RAB11FIP4: variants seen among roughly 807,000 people sequenced by gnomAD.
RAB11FIP4 encodes the protein rab11 family-interacting protein 4.
Under a neutral mutation model 74.3 loss-of-function variants are expected in RAB11FIP4, and 23 were observed. The ratio of observed to expected loss-of-function variants is 0.31; its 90% CI spans 0.22 to 0.44. The LOEUF is 0.44. RAB11FIP4 is among the 20% of genes least tolerant of loss of function. The probability of loss-of-function intolerance (pLI) is 1.00; values close to 1 mark genes in which losing one functional copy is unlikely to be tolerated. For synonymous variants in RAB11FIP4, 360 were observed against 359.9 expected (o/e 1.00, Z 0.00); for missense variants, 630 against 863.9 (o/e 0.73, Z 3.39).
In RAB11FIP4 at chr17:31,512,340, G is replaced by GGT. The variant is rs886275471; in HGVS notation, c.337-5309_337-5308dup. ...AGGTGAGGAGCCAGGTGCTCACAAAGGTGGTCACTTGTCCAAGGTCACATG... is the reference window on the plus strand; with the variant it reads ...AGGTGAGGAGCCAGGTGCTCACAAAGGTGTGGTCACTTGTCCAAGGTCACATG... On this transcript the variant is annotated intron_variant, in intron 3 of 14. Transcript: ENST00000621161. This position sits in a 1 kb window ranked among gnomAD's most constrained non-coding sequence, Gnocchi z 4.1. Among the ~76,000 whole-genome samples, 6 of 152,174 alleles carry GGT rather than the reference G, an allele frequency of 3.9e-5. No homozygotes were observed. The highest frequency in any genetic ancestry group is 1.4e-4 in the African/African-American group (6 of 41,440).
chr17:31,459,600 G>A (rs183095084), intron 3 of RAB11FIP4, among the ~76,000 whole-genome samples: 123 of 152,212 alleles, frequency 8.1e-4, no homozygotes, highest in Non-Finnish European at 1.1e-3. Flanking sequence ...ACGCCTGATG[G>A]GTTAACTCAG....
intron 1 of RAB11FIP4, among the ~76,000 whole-genome samples, chr17:31,405,029 G>T (rs1353111704): frequency 6.6e-6 from 1 of 152,074 alleles, no homozygotes; most frequent in African/African-American, 2.4e-5. Context: ...CAAAGGTTTC[G>T]GGATAAAATG....
intron 1 of RAB11FIP4, among the ~76,000 whole-genome samples, chr17:31,424,627 G>A (rs1381435307): frequency 6.8e-6 from 1 of 147,984 alleles, no homozygotes; most frequent in Admixed American, 6.8e-5. Context: ...CCAGCCTGGA[G>A]TAGAGTGGCA....
intron 3 of RAB11FIP4, among the ~76,000 whole-genome samples, chr17:31,478,828 G>C (rs1022987044): frequency 1.3e-5 from 2 of 152,184 alleles, no homozygotes; most frequent in African/African-American, 4.8e-5. Flanking sequence ...ACCTGATGTG[G>C]GCTGCCACTG....
intron 9 of RAB11FIP4, chr17:31,524,818 G>A: frequency 1.9e-6 from 1 of 538,382 alleles, no homozygotes; most frequent in Non-Finnish European, 3.3e-6. Flanking sequence ...GCCAGGTGTG[G>A]CTGCAGGGAC....
intron 3 of RAB11FIP4, among the ~76,000 whole-genome samples, chr17:31,460,485 T>C (rs1004667013): frequency 7.2e-5 from 11 of 152,178 alleles, no homozygotes; most frequent in Non-Finnish European, 1.0e-4. Context: ...GTTGAGAGGA[T>C]ACAGGAGATA....
chr17:31,469,295 A>G (rs578151474), intron 3 of RAB11FIP4, among the ~76,000 whole-genome samples: 2 of 152,226 alleles, frequency 1.3e-5, no homozygotes, highest in East Asian at 3.9e-4. Context: ...TTACTCACAC[A>G]CATAGGCAGG....
chr17:31,476,172 CTTTTTTTTTTTTTTTT>C (rs71369069), intron 3 of RAB11FIP4, among the ~76,000 whole-genome samples: 7 of 63,532 alleles, frequency 1.1e-4, no homozygotes, highest in East Asian at 1.2e-3. Context: ...ATCGACTGAA[CTTTTTTTTTTTTTTTT>C]TTTTTTTTTT....
chr17:31,450,329 T>TATTATTATTATTA (rs2071513339), intron 3 of RAB11FIP4, among the ~76,000 whole-genome samples: 2 of 90,852 alleles, frequency 2.2e-5, no homozygotes, highest in South Asian at 6.5e-4. Context: ...GCTTTATTAT[T>TATTATTATTATTA]ATTATTATTA....
rs2072465566 is a variant in RAB11FIP4 at position 31,512,251 on chromosome 17, G to A, written c.337-5400G>A. On this transcript the variant is annotated intron_variant, in intron 3 of 14. Coordinates refer to ENST00000621161, the MANE Select transcript of RAB11FIP4 (RefSeq NM_032932.6). The surrounding 1 kb of genome is among the most constrained non-coding windows in gnomAD (Gnocchi z 4.1). ...CTCCTACCGTGACCGACTCTCCGGTGTAAATTGTCACGTGTGGCCCCCTAG... is the reference window on the plus strand; with the variant it reads ...CTCCTACCGTGACCGACTCTCCGGTATAAATTGTCACGTGTGGCCCCCTAG... Among the ~76,000 whole-genome samples the A allele has an allele frequency of 6.6e-6, 1 of 152,200 alleles. No individual in the cohort carries two copies. The highest frequency in any genetic ancestry group is 1.5e-5 in the Non-Finnish European group (1 of 68,028).
At chr17:31,489,998 G>A (rs1189524235) in intron 3 of RAB11FIP4, among the ~76,000 whole-genome samples, 2 of 152,182 alleles carry the variant, frequency 1.3e-5, no homozygotes, top group African/African-American at 4.8e-5. Context: ...ACTGCCTGGA[G>A]CCTGCCCTCG....
In RAB11FIP4 at chr17:31,535,939, AG is replaced by A. The variant is rs1324340804; in HGVS notation, c.*4210del. 2.0e-5 allele frequency: 3 copies of A among 150,560 alleles called. No homozygotes were observed. Among genetic ancestry groups the A allele is most frequent in the Non-Finnish European group, 4.4e-5 (3 of 67,874 alleles). 9.3% of individuals were successfully genotyped at this position (150,560 alleles called of 1,614,324 possible). A position where few individuals can be genotyped will look rare whatever the true frequency, so the allele number is the denominator to read the frequency against. On this transcript the variant is annotated 3_prime_UTR_variant, in exon 15 of 15. Coordinates refer to ENST00000621161, the MANE Select transcript of RAB11FIP4 (RefSeq NM_032932.6). ...GTCTGTTTCCTGACTGGGTTGATAAAGGGAGTCCCAGCTCGTTCCCTGTTAG... is the reference window on the plus strand; with the variant it reads ...GTCTGTTTCCTGACTGGGTTGATAAAGGAGTCCCAGCTCGTTCCCTGTTAG...
intron 3 of RAB11FIP4, among the ~76,000 whole-genome samples, chr17:31,516,752 C>T (rs1474132396): frequency 6.6e-6 from 1 of 152,214 alleles, no homozygotes; most frequent in Non-Finnish European, 1.5e-5. Flanking sequence ...CAGGCGTGAG[C>T]CACCGTGCCT....
In RAB11FIP4 at chr17:31,508,236, C is replaced by T. The variant is rs1361388022; in HGVS notation, c.337-9415C>T. Among the ~76,000 whole-genome samples, 10 of 152,290 alleles carry T rather than the reference C, an allele frequency of 6.6e-5. No individual in the cohort carries two copies. In the South Asian group the frequency reaches 1.0e-3, roughly 16 times the overall value. ...CCCCACAGTGGATGGCTCAGCTGTT[C>T]GGGATGTTTCCAGTGGGATCACACC... On this transcript the variant is annotated intron_variant, in intron 3 of 14. Coordinates refer to ENST00000621161, the MANE Select transcript of RAB11FIP4 (RefSeq NM_032932.6).
intron 3 of RAB11FIP4, among the ~76,000 whole-genome samples, chr17:31,516,972 A>T (rs1049255294): frequency 6.6e-6 from 1 of 151,430 alleles, no homozygotes; most frequent in African/African-American, 2.4e-5. Flanking sequence ...GGCCAAAGTG[A>T]AGTTACAAAG....
chr17:31,501,521 G>A (rs1364116804), intron 3 of RAB11FIP4, among the ~76,000 whole-genome samples: 1 of 151,958 alleles, frequency 6.6e-6, no homozygotes, highest in African/African-American at 2.4e-5. Context: ...TGTTTTGTTT[G>A]ATTTGGTTTG....
chr17:31,413,752 G>A (rs1448318757), intron 1 of RAB11FIP4, among the ~76,000 whole-genome samples: 1 of 152,030 alleles, frequency 6.6e-6, no homozygotes, highest in Non-Finnish European at 1.5e-5. Context: ...AGGATTTGGG[G>A]TAACACCTTC....
intron 1 of RAB11FIP4, among the ~76,000 whole-genome samples, chr17:31,414,494 C>T (rs1206782176): frequency 1.3e-5 from 2 of 152,248 alleles, no homozygotes; most frequent in Non-Finnish European, 2.9e-5. Flanking sequence ...AGACCCCAAA[C>T]AAAGCCCTTG....
intron 1 of RAB11FIP4, chr17:31,392,652 A>T (rs1175271709): frequency 6.6e-6 from 1 of 152,246 alleles, no homozygotes; most frequent in Non-Finnish European, 1.5e-5. Flanking sequence ...GAGGGCTTTC[A>T]TGTGGCGGGG....
Sources: allele counts gnomAD v4.1 joint callset (sites outside exome capture counted in the v4.1 genomes callset), GRCh38; gene constraint gnomAD v4.1.1; non-coding constraint Gnocchi (gnomAD v3.1); transcripts MANE v1.5; gene names NCBI Gene and HGNC (gene_info 2026-07-23, HGNC 2026-07-21).